Variants in MYO18A observed in about 807,000 individuals in gnomAD.
MYO18A encodes the protein myosin XVIIIA.
MYO18A carries 78 observed loss-of-function variants against 235.8 expected under a neutral mutation model. The ratio of observed to expected loss-of-function variants is 0.33; its 90% CI spans 0.28 to 0.40. The LOEUF (loss-of-function observed/expected upper bound fraction) is 0.40, where lower values mean the gene tolerates loss of function less well. MYO18A is among the 10% of genes least tolerant of loss of function. The pLI is 1.00. For synonymous variants in MYO18A, 977 were observed against 1,077.8 expected, an observed-to-expected ratio of 0.91 and a Z score of 1.83; for missense variants, 2,215 against 2,699.3, an observed-to-expected ratio of 0.82 and a Z score of 3.98.
intron 1 of MYO18A, among the ~76,000 whole-genome samples, chr17:29,170,051 G>A (rs1364245547): frequency 6.6e-6 from 1 of 152,142 alleles, no homozygotes; most frequent in African/African-American, 2.4e-5. Flanking sequence ...GCCTGGATCT[G>A]CCAAAAAATC....
In MYO18A at chr17:29,094,920, G is replaced by T. The variant is rs763255938; in HGVS notation, c.4509+16C>A. ...GTGAGGGGGACAGGGCACAGATGGT[G>T]GGTGGCCCTACCCACCTCTAGTTGC... On this transcript the variant is annotated intron_variant, in intron 29 of 41. Transcript: ENST00000527372. 3.1e-6 allele frequency: 5 copies of T among 1,611,704 alleles called. No individual in the cohort carries two copies. In the East Asian group the frequency reaches 8.9e-5, roughly 29 times the overall value.
At chr17:29,097,515 A>C (rs1231029561) in intron 26 of MYO18A, among the ~76,000 whole-genome samples, 165 bp from the exon 27 acceptor site, 1 of 152,242 alleles carries the variant, frequency 6.6e-6, no homozygotes. Flanking sequence ...GCCACTAGCC[A>C]GGAGAAGACC....
At chr17:29,157,754 T>C (rs2068090591) in intron 2 of MYO18A, among the ~76,000 whole-genome samples, 1 of 152,170 alleles carries the variant, frequency 6.6e-6, no homozygotes. Flanking sequence ...TTTCATGCCC[T>C]TCCCCCAAGG....
At position 29,158,003 on chromosome 17, in the gene MYO18A, A is replaced by G. The variant is rs2068095355; in HGVS notation, c.999+7939T>C. On this transcript the variant is annotated intron_variant, in intron 2 of 41. Coordinates refer to ENST00000527372, the MANE Select transcript of MYO18A (RefSeq NM_078471.4). This position sits in a 1 kb window ranked among gnomAD's most constrained non-coding sequence, Gnocchi z 4.3. ...GAGATGGTGTTTTGCCATGTTGCCC[A>G]GGCTGGTCTCAAACTCCTAGGCTCA... is the stretch of plus-strand genomic sequence containing the variant. Among the ~76,000 whole-genome samples the G allele has an allele frequency of 6.6e-6, 1 of 152,152 alleles. No individual in the cohort carries two copies. Among genetic ancestry groups the G allele is most frequent in the African/African-American group, 2.4e-5 (1 of 41,426 alleles).
chr17:29,107,418 C>A, intron 19 of MYO18A: 1 of 519,248 alleles, frequency 1.9e-6, no homozygotes, highest in Non-Finnish European at 3.5e-6. Context: ...ATAGGAAGGC[C>A]CAAAAAAGGA....
rs1221970331 is a variant in MYO18A, at chr17:29,072,802, A to T, written c.*1968T>A. 6.6e-6 allele frequency: 1 copy of T among 152,166 alleles called. No individual in the cohort carries two copies. Among genetic ancestry groups the T allele is most frequent in the Non-Finnish European group, 1.5e-5 (1 of 68,032 alleles). 9.4% of individuals were successfully genotyped at this position (152,166 alleles called of 1,614,324 possible). On this transcript the variant is annotated 3_prime_UTR_variant, in exon 42 of 42. Transcript: ENST00000527372. ...GGGATTATAACTGGCCACACTACAG[A>T]ATGAGAAGGTAGAAGGTAGAAGAGG... is the stretch of plus-strand genomic sequence containing the variant.
Position 29,128,328 on chromosome 17 carries a change from C to T in MYO18A, c.1000-6075G>A. ...TTCCCAAGCTCCTCGCTGGGCAGCA[C>T]CTTACTCACCACCTTCCTCACTGCA... On this transcript the variant is annotated intron_variant, in intron 2 of 41. Transcript: ENST00000527372. 3 of 1,263,570 alleles carry T rather than the reference C, an allele frequency of 2.4e-6. No homozygotes were observed. The South Asian group carries it at 3.9e-5, about 16-fold the overall frequency. The allele number at this position is 1,263,570 out of a possible 1,614,324, so 78.3% of individuals were successfully genotyped here.
intron 19 of MYO18A, among the ~76,000 whole-genome samples, chr17:29,108,721 G>C (rs1198794417): frequency 6.6e-6 from 1 of 152,184 alleles, no homozygotes; most frequent in East Asian, 1.9e-4. Context: ...CCAAGACAAA[G>C]TGAGCTATTG....
rs2068624094 is a variant in MYO18A at position 29,180,392 on chromosome 17, A to T, written c.-161T>A. On this transcript the variant is annotated 5_prime_UTR_variant, in exon 1 of 42. Coordinates refer to ENST00000527372, the MANE Select transcript of MYO18A (RefSeq NM_078471.4). This position sits in a 1 kb window ranked among gnomAD's most constrained non-coding sequence, Gnocchi z 6.1. ...GCCTCGGCCCGGTCAGGGATGGAGCAGAGCGCAGCGCGGCGCAGCTCAGCG... is the reference window on the plus strand; with the variant it reads ...GCCTCGGCCCGGTCAGGGATGGAGCTGAGCGCAGCGCGGCGCAGCTCAGCG... The T allele has an allele frequency of 6.6e-6, 1 of 152,154 alleles. No individual in the cohort carries two copies. The highest frequency in any genetic ancestry group is 6.5e-5 in the Admixed American group (1 of 15,290). The allele number at this position is 152,154 out of a possible 1,614,324, so 9.4% of individuals were successfully genotyped here.
At chr17:29,087,188 G>A (rs1264433663) in intron 37 of MYO18A, 67 bp from the exon 38 acceptor site, 1 of 1,522,244 alleles carries the variant, frequency 6.6e-7, no homozygotes, top group African/African-American at 1.4e-5. Flanking sequence ...GGGAGGGTGT[G>A]GCAGAGCTCT....
intron 41 of MYO18A, chr17:29,080,854 G>C: frequency 1.0e-6 from 1 of 985,504 alleles, no homozygotes; most frequent in Non-Finnish European, 1.2e-6. Context: ...CTCAGGGGAG[G>C]CCGCCCGCTC....
In MYO18A at chr17:29,086,435, C is replaced by T. The variant is rs1367676808; in HGVS notation, c.5852+3G>A. On this transcript the variant is annotated splice_donor_region_variant and intron_variant, in intron 39 of 41. Coordinates refer to ENST00000527372, the MANE Select transcript of MYO18A (RefSeq NM_078471.4). ...TGCAGATGCCCCAGAGGCCACTTCT[C>T]ACCTGTTGATGAGGTCCTCATTCTC... is the stretch of plus-strand genomic sequence containing the variant. 2 of 1,595,378 alleles carry T rather than the reference C, an allele frequency of 1.3e-6. No homozygotes were observed. The highest frequency in any genetic ancestry group is 2.3e-5 in the South Asian group (2 of 88,036).
chr17:29,154,290 C>G (rs2068021871), intron 2 of MYO18A, among the ~76,000 whole-genome samples: 1 of 152,038 alleles, frequency 6.6e-6, no homozygotes. Context: ...CCTCAGTGTG[C>G]CCGCACAGGG....
intron 40 of MYO18A, 147 bp from the exon 41 acceptor site, chr17:29,082,585 G>A (rs929431747): frequency 9.3e-6 from 7 of 749,930 alleles, no homozygotes; most frequent in South Asian, 8.8e-5. Context: ...AATGAGAGAG[G>A]TTAGACAGAG....
rs2067302968 is a variant in MYO18A at position 29,125,661 on chromosome 17, G to A, written c.1000-3408C>T. Among the ~76,000 whole-genome samples the A allele has an allele frequency of 6.6e-6, 1 of 152,228 alleles. No homozygotes were observed. The highest frequency in any genetic ancestry group is 2.4e-5 in the African/African-American group (1 of 41,456). ...TGGCCAGAGAAAGGGACTGGGCCCTGAGCGAGGAGGGGTGCCCTCCCACAT... is the reference window on the plus strand; with the variant it reads ...TGGCCAGAGAAAGGGACTGGGCCCTAAGCGAGGAGGGGTGCCCTCCCACAT... On this transcript the variant is annotated intron_variant, in intron 2 of 41. Coordinates refer to ENST00000527372, the MANE Select transcript of MYO18A (RefSeq NM_078471.4). This position sits in a 1 kb window ranked among gnomAD's most constrained non-coding sequence, Gnocchi z 5.1.
chr17:29,092,313 AGCTCTGCCCCGG>A lies in MYO18A; in HGVS notation c.5187+18_5187+29del. ...AGCTCTATTCTGCCTCAGCCCCCCG[AGCTCTGCCCCGG>A]GCACCTTGGCCCCTCACCGCTGTCT... On this transcript the variant is annotated intron_variant, in intron 34 of 41. Coordinates refer to ENST00000527372, the MANE Select transcript of MYO18A (RefSeq NM_078471.4). The A allele has an allele frequency of 6.4e-7, 1 of 1,557,560 alleles. No individual in the cohort carries two copies. Among genetic ancestry groups the A allele is most frequent in the Non-Finnish European group, 8.8e-7 (1 of 1,139,170 alleles).
At chr17:29,124,491 C>T (rs2067273150) in intron 2 of MYO18A, among the ~76,000 whole-genome samples, 1 of 152,312 alleles carries the variant, frequency 6.6e-6, no homozygotes, top group Non-Finnish European at 1.5e-5. Context: ...CACTACCTCC[C>T]GCTGGGGTCC....
In MYO18A at chr17:29,090,183, T is replaced by C. The variant is rs1170416860; in HGVS notation, c.5389-85A>G. The C allele has an allele frequency of 3.4e-6, 5 of 1,462,442 alleles. No individual in the cohort carries two copies. In the East Asian group the frequency reaches 1.2e-4, roughly 36 times the overall value. 90.6% of individuals were successfully genotyped at this position (1,462,442 alleles called of 1,614,324 possible). ...TCTGGGGCAGGCAATATCACCACAG[T>C]GACCAGAAGGCAAGGGGAGGGAGGG... On this transcript the variant is annotated intron_variant, in intron 36 of 41. Transcript: ENST00000527372.
At chr17:29,130,693 C>T (rs1316394495) in intron 2 of MYO18A, among the ~76,000 whole-genome samples, 5 of 152,206 alleles carry the variant, frequency 3.3e-5, no homozygotes, top group African/African-American at 9.6e-5. Context: ...TGCCCCAGAG[C>T]CCTGGGCACT....
Sources: allele counts gnomAD v4.1 joint callset (sites outside exome capture counted in the v4.1 genomes callset), GRCh38; gene constraint gnomAD v4.1.1; non-coding constraint Gnocchi (gnomAD v3.1); transcripts MANE v1.5; gene names NCBI Gene and HGNC (gene_info 2026-07-23, HGNC 2026-07-21).